The following IL1RAPL1 variants were observed in gnomAD, a reference collection of about 807,000 sequenced individuals.
The protein encoded by IL1RAPL1 is interleukin 1 receptor accessory protein like 1.
Under a neutral mutation model 48.4 loss-of-function variants are expected in IL1RAPL1, and 3 were observed. That is an observed-to-expected ratio of 0.06 (90% confidence interval 0.03 to 0.16). The LOEUF (loss-of-function observed/expected upper bound fraction) is 0.16, where lower values mean the gene tolerates loss of function less well. Among genes scored for constraint, IL1RAPL1 ranks in the 10% least tolerant of loss-of-function variants. The pLI, the probability that IL1RAPL1 is intolerant of heterozygous loss-of-function variation, is 1.00. For synonymous variants in IL1RAPL1, 185 were observed against 187.7 expected, an observed-to-expected ratio of 0.99 and a Z score of 0.12; for missense variants, 349 against 530.6, an observed-to-expected ratio of 0.66 and a Z score of 3.36.
chrX:29,456,821 T>A (rs1424481211), intron 5 of IL1RAPL1, among the ~76,000 whole-genome samples: 2 of 111,809 alleles, frequency 1.8e-5, no homozygotes, highest in African/African-American at 6.5e-5. Context: ...ATTGCGTTTT[T>A]AAATTGTTTT....
At chrX:29,829,290 C>G (rs1408112785) in intron 6 of IL1RAPL1, among the ~76,000 whole-genome samples, 4 of 109,290 alleles carry the variant, frequency 3.7e-5, no homozygotes, top group Non-Finnish European at 7.6e-5. Context: ...TCCATTTAAA[C>G]TGTATTATCT....
At chrX:29,210,907 C>T (rs1368996388) in intron 2 of IL1RAPL1, among the ~76,000 whole-genome samples, 3 of 112,323 alleles carry the variant, frequency 2.7e-5, no homozygotes, top group Non-Finnish European at 5.6e-5. Context: ...TGTTTTGCCA[C>T]GTCTCAGTCT....
At chrX:29,511,982 A>G (rs914690358) in intron 5 of IL1RAPL1, among the ~76,000 whole-genome samples, 1 of 111,351 alleles carries the variant, frequency 9.0e-6, no homozygotes. Context: ...AATGACATGC[A>G]CTATTAAAAA....
At chrX:29,609,020 A>G (rs910275021) in intron 5 of IL1RAPL1, among the ~76,000 whole-genome samples, 1 of 111,443 alleles carries the variant, frequency 9.0e-6, no homozygotes, top group Non-Finnish European at 1.9e-5. Flanking sequence ...TCCATGGGCT[A>G]CCAAGTCCAA....
At chrX:29,078,556 G>A (rs1221829794) in intron 2 of IL1RAPL1, among the ~76,000 whole-genome samples, 4 of 112,099 alleles carry the variant, frequency 3.6e-5, no homozygotes, top group Non-Finnish European at 5.6e-5. Flanking sequence ...CCGTAAATTA[G>A]CTATTACGTA....
chrX:29,922,060 G>T (rs1362382487), intron 8 of IL1RAPL1, among the ~76,000 whole-genome samples: 1 of 110,076 alleles, frequency 9.1e-6, no homozygotes, highest in Non-Finnish European at 1.9e-5. Flanking sequence ...AACATATTTT[G>T]GGGGGGGACA....
At chrX:29,769,889 A>G (rs1929016981) in intron 6 of IL1RAPL1, among the ~76,000 whole-genome samples, 1 of 110,566 alleles carries the variant, frequency 9.0e-6, no homozygotes, top group South Asian at 3.9e-4. Context: ...TGCTGGGATT[A>G]CAGGCGTGAG....
At chrX:28,635,233 GT>G (rs1455701433) in intron 1 of IL1RAPL1, among the ~76,000 whole-genome samples, 1 of 111,919 alleles carries the variant, frequency 8.9e-6, no homozygotes, top group Non-Finnish European at 1.9e-5. Flanking sequence ...GCCATTTTTT[GT>G]TTCTGACTCA....
At chrX:29,128,025 T>C (rs996031572) in intron 2 of IL1RAPL1, among the ~76,000 whole-genome samples, 1 of 110,253 alleles carries the variant, frequency 9.1e-6, no homozygotes, top group Non-Finnish European at 1.9e-5. Flanking sequence ...CCCATGAAGA[T>C]TGTTTCAATC....
intron 2 of IL1RAPL1, among the ~76,000 whole-genome samples, chrX:29,122,407 T>TCA (rs1457241280): frequency 5.2e-5 from 4 of 76,254 alleles, no homozygotes; most frequent in African/African-American, 2.7e-4. Flanking sequence ...TCTCTCTCTC[T>TCA]CTCACACACA....
chrX:29,428,348 T>C (rs1056753892), intron 5 of IL1RAPL1, among the ~76,000 whole-genome samples: 9 of 111,654 alleles, frequency 8.1e-5, no homozygotes, highest in Non-Finnish European at 1.7e-4. Flanking sequence ...GAAAATTGTA[T>C]TGAAACTGAT....
chrX:29,728,562 G>C (rs778010093), intron 6 of IL1RAPL1, among the ~76,000 whole-genome samples: 2 of 112,184 alleles, frequency 1.8e-5, no homozygotes, highest in Non-Finnish European at 3.8e-5. Context: ...GCACTGTGCT[G>C]CTTTACAGAC....
intron 5 of IL1RAPL1, among the ~76,000 whole-genome samples, chrX:29,552,388 A>T (rs1196276616): frequency 9.0e-6 from 1 of 111,051 alleles, no homozygotes; most frequent in Non-Finnish European, 1.9e-5. Flanking sequence ...GGAGACGCAC[A>T]TTTGTTTTTT....
At chrX:28,834,223 C>T (rs1921145766) in intron 2 of IL1RAPL1, among the ~76,000 whole-genome samples, 2 of 111,613 alleles carry the variant, frequency 1.8e-5, no homozygotes, top group African/African-American at 3.2e-5. Context: ...ATTTTAACTG[C>T]TCTAGAACTT....
intron 2 of IL1RAPL1, among the ~76,000 whole-genome samples, chrX:29,116,993 G>A (rs1354058248): frequency 9.0e-6 from 1 of 111,340 alleles, no homozygotes. Context: ...TACCAGTGGA[G>A]GAGAATCATT....
intron 6 of IL1RAPL1, among the ~76,000 whole-genome samples, chrX:29,862,750 A>C (rs1374719234): frequency 9.0e-6 from 1 of 110,726 alleles, no homozygotes; most frequent in Non-Finnish European, 1.9e-5. Flanking sequence ...TGTTCAAAAC[A>C]ATATCTATCG....
At chrX:29,876,399 C>T (rs1179823479) in intron 6 of IL1RAPL1, among the ~76,000 whole-genome samples, 1 of 111,576 alleles carries the variant, frequency 9.0e-6, no homozygotes, top group Non-Finnish European at 1.9e-5. Flanking sequence ...TTATAGTCTC[C>T]TCTAGTCCTT....
intron 6 of IL1RAPL1, among the ~76,000 whole-genome samples, chrX:29,675,841 G>T (rs1926270535): frequency 8.9e-6 from 1 of 112,002 alleles, no homozygotes; most frequent in South Asian, 3.7e-4. Context: ...TACCCACCTT[G>T]GCCTCCCAAA....
intron 6 of IL1RAPL1, among the ~76,000 whole-genome samples, chrX:29,870,478 C>T (rs186335354): frequency 1.1e-4 from 12 of 111,773 alleles, no homozygotes; most frequent in Non-Finnish European, 1.7e-4. Flanking sequence ...ATCACAGCTC[C>T]GATAGGCAGT....
Sources: allele counts gnomAD v4.1 joint callset (sites outside exome capture counted in the v4.1 genomes callset), GRCh38; gene constraint gnomAD v4.1.1; transcripts MANE v1.5; gene names NCBI Gene and HGNC (gene_info 2026-07-23, HGNC 2026-07-21).